FBN3: variants seen among roughly 807,000 people sequenced by gnomAD.
FBN3 encodes the protein fibrillin 3, also known as fibrillin-3.
FBN3 carries 234 observed loss-of-function variants against 330.1 expected under a neutral mutation model. The observed-to-expected ratio is 0.71, with a 90% CI of 0.64 to 0.79. FBN3 has a LOEUF of 0.79. FBN3 is among the 30% of genes least tolerant of loss of function. The probability of loss-of-function intolerance (pLI) is 0.00; values close to 1 mark genes in which losing one functional copy is unlikely to be tolerated. For missense variants in FBN3, 3,606 were observed against 3,886.9 expected (o/e 0.93, Z 1.92); for synonymous variants, 1,458 against 1,517.3 (o/e 0.96, Z 0.91).
intron 30 of FBN3, among the ~76,000 whole-genome samples, 173 bp downstream of exon 30, chr19:8,115,342 C>A (rs2082681738): frequency 6.6e-6 from 1 of 152,274 alleles, no homozygotes; most frequent in East Asian, 1.9e-4. Flanking sequence ...TCAGGGGACC[C>A]CCCGGGGCAC....
chr19:8,076,614 G>A (rs538912833), intron 59 of FBN3, among the ~76,000 whole-genome samples: 1 of 152,256 alleles, frequency 6.6e-6, no homozygotes, highest in East Asian at 1.9e-4. Flanking sequence ...ACTCCAGTCT[G>A]GGTGACTGAC....
In FBN3 at chr19:8,142,805, C is replaced by G. The variant is rs536123498; in HGVS notation, c.542-668G>C. 2.5e-4 allele frequency among the ~76,000 whole-genome samples: 38 copies of G among 151,178 alleles called. 1 individual carries two copies. The highest frequency in any genetic ancestry group is 9.2e-4 in the African/African-American group (38 of 41,136). The stretch of plus-strand genomic sequence containing the variant: ...GGAGGGGCTTCACAGAGACCCCCAC[C>G]CCCCAGCTGTCCTGATGCCCCAAGC... On this transcript the variant is annotated intron_variant, in intron 6 of 63. Transcript: ENST00000600128.
rs765678593 is a variant in FBN3 at position 8,096,901 on chromosome 19, G to A, written c.5393C>T (p.Ser1798Leu). The change falls in exon 43 of 64, where the codon TCG (serine) becomes TTG (leucine). Residue 1798 changes from serine to leucine, a missense_variant. By Grantham distance (145) the Ser-to-Leu change is moderately radical. Coordinates refer to ENST00000600128, the MANE Select transcript of FBN3 (RefSeq NM_032447.5). This position sits in a 1 kb window ranked among gnomAD's most constrained non-coding sequence, Gnocchi z 4.6. The stretch of plus-strand genomic sequence containing the variant: ...CTCACCCACACAAGCCCCGCCTGGC[G>A]ACAGTTTGTACCCTCGGGTGCACTT... ...RCKCTRGYKL[S>L]PGGACVGRNE... 9.3e-6 allele frequency: 15 copies of A among 1,613,416 alleles called. No individual in the cohort carries two copies. Among genetic ancestry groups the A allele is most frequent in the South Asian group, 6.6e-5 (6 of 91,090 alleles).
intron 55 of FBN3, 88 bp downstream of exon 55, chr19:8,086,112 G>A: frequency 1.0e-6 from 1 of 969,566 alleles, no homozygotes; most frequent in Non-Finnish European, 1.4e-6. Flanking sequence ...GGGGCAGGCA[G>A]TGGGGGGAAC....
At position 8,088,076 on chromosome 19, in the gene FBN3, G is replaced by C. The variant is rs770862576; in HGVS notation, c.6480C>G (p.Leu2160=). ...GAGTTGTACCCTCGCAGGTCATCAT[G>C]AGGCCAGGCTCAAAGCCGTCAGCAC... ...CACADGFEPG[L]MMTCEDIDEC... The change falls in exon 52 of 64, where the codon CTC becomes CTG. Residue 2160 remains leucine (L), a synonymous_variant. Transcript: ENST00000600128. 4 of 1,613,990 alleles carry C rather than the reference G, an allele frequency of 2.5e-6. No homozygotes were observed. The African/African-American group carries it at 5.3e-5, about 22-fold the overall frequency.
Position 8,097,610 on chromosome 19 carries a change from A to T in FBN3, c.5162-196T>A, listed in dbSNP as rs539799561. Among the ~76,000 whole-genome samples, 11 of 152,348 alleles carry T rather than the reference A, an allele frequency of 7.2e-5. No homozygotes were observed. In the East Asian group the frequency reaches 2.1e-3, roughly 29 times the overall value. ...GAGGTGAGGAGTGGGAGGAAAGACA[A>T]GAGCAGAGAGACTGTGTGTGTTTTT... On this transcript the variant is annotated intron_variant, in intron 41 of 63. Coordinates refer to ENST00000600128, the MANE Select transcript of FBN3 (RefSeq NM_032447.5).
intron 48 of FBN3, 87 bp downstream of exon 48, chr19:8,091,378 C>G (rs1306781790): frequency 2.0e-6 from 3 of 1,535,466 alleles, no homozygotes; most frequent in Non-Finnish European, 2.7e-6. Flanking sequence ...AAGGGTCACA[C>G]AAGAAACCAC....
At chr19:8,091,731 A>AC in intron 47 of FBN3, 141 bp from the exon 48 acceptor site, 4 of 866,358 alleles carry the variant, frequency 4.6e-6, no homozygotes, top group Non-Finnish European at 5.3e-6. Flanking sequence ...AGAGCTCAGT[A>AC]TGAGCTTCAG....
At chr19:8,123,262 G>A (rs111394261) in intron 24 of FBN3, among the ~76,000 whole-genome samples, 192 of 152,202 alleles carry the variant, frequency 1.3e-3, no homozygotes, top group African/African-American at 4.3e-3. Context: ...GCTGAGGCAG[G>A]AGAGTCGCTT....
chr19:8,116,134 C>T (rs956482206), intron 29 of FBN3, among the ~76,000 whole-genome samples: 1 of 152,110 alleles, frequency 6.6e-6, no homozygotes, highest in African/African-American at 2.4e-5. Context: ...GGTTTCTTGG[C>T]CGGGAGTTAC....
intron 22 of FBN3, among the ~76,000 whole-genome samples, chr19:8,124,560 CG>C (rs1047752334): frequency 1.5e-5 from 2 of 130,974 alleles, no homozygotes; most frequent in African/African-American, 5.9e-5. Context: ...TTTTTTTAGA[CG>C]GAGTCTTGCT....
At chr19:8,134,686 C>CT (rs762201203) in intron 13 of FBN3, among the ~76,000 whole-genome samples, 31 of 152,066 alleles carry the variant, frequency 2.0e-4, no homozygotes, top group Non-Finnish European at 3.5e-4. Flanking sequence ...GTAATCTCAG[C>CT]ACTTTGGGAG....
In FBN3 at chr19:8,072,767, T is replaced by C. The variant is rs544574175; in HGVS notation, c.7937+296A>G. Among the ~76,000 whole-genome samples the C allele has an allele frequency of 4.0e-5, 6 of 151,764 alleles. No homozygotes were observed. In the South Asian group the frequency reaches 1.3e-3, roughly 32 times the overall value. ...ACGTGTGCATGCTGGGATCTGTAAATGCACAAGGGTGCCCACGCATGCTGG... is the reference window on the plus strand; with the variant it reads ...ACGTGTGCATGCTGGGATCTGTAAACGCACAAGGGTGCCCACGCATGCTGG... On this transcript the variant is annotated intron_variant, in intron 62 of 63. Transcript: ENST00000600128.
At chr19:8,118,561 C>T (rs1227052984) in intron 26 of FBN3, among the ~76,000 whole-genome samples, 1 of 150,426 alleles carries the variant, frequency 6.6e-6, no homozygotes, top group African/African-American at 2.5e-5. Flanking sequence ...TGTGTGTTCA[C>T]ACAGACGCAC....
At chr19:8,147,029 C>T (rs2083561811) in intron 3 of FBN3, 75 bp downstream of exon 3, 3 of 1,354,936 alleles carry the variant, frequency 2.2e-6, no homozygotes, top group Non-Finnish European at 3.1e-6. Context: ...CCCGTGTAAA[C>T]AGAGCTGAAC....
chr19:8,074,703 A>C, intron 61 of FBN3: 1 of 191,876 alleles, frequency 5.2e-6, no homozygotes. Flanking sequence ...CATAGCATGC[A>C]CACCTCCATT....
In FBN3 at chr19:8,086,362, C is replaced by T. The variant is rs552817172; in HGVS notation, c.6755-37G>A. 8.4e-5 allele frequency: 130 copies of T among 1,551,784 alleles called. 1 individual carries two copies. Among genetic ancestry groups the T allele is most frequent in the South Asian group, 4.7e-4 (39 of 83,492 alleles). On this transcript the variant is annotated intron_variant, in intron 54 of 63. Coordinates refer to ENST00000600128, the MANE Select transcript of FBN3 (RefSeq NM_032447.5). ...GGGGTGAGGCAGGTGGGCGGGGAGG[C>T]CACAGGCAGCCAGCCTCTCCCACAG...
intron 59 of FBN3, among the ~76,000 whole-genome samples, chr19:8,078,519 G>A (rs1479579094): frequency 1.3e-5 from 2 of 151,892 alleles, no homozygotes; most frequent in Admixed American, 1.3e-4. Context: ...CTCCACGGAT[G>A]TTACCCATGT....
rs904935151 is a variant in FBN3 at position 8,121,566 on chromosome 19, C to T, written c.3083-180G>A. ...GGCATGATGGGGTGCCGTATGGGGTCATCGAATCTGTAGATATGACAGGCA... is the reference window on the plus strand; with the variant it reads ...GGCATGATGGGGTGCCGTATGGGGTTATCGAATCTGTAGATATGACAGGCA... On this transcript the variant is annotated intron_variant, in intron 24 of 63. Coordinates refer to ENST00000600128, the MANE Select transcript of FBN3 (RefSeq NM_032447.5). The surrounding 1 kb of genome is among the most constrained non-coding windows in gnomAD (Gnocchi z 4.5). Among the ~76,000 whole-genome samples the T allele has an allele frequency of 2.6e-5, 4 of 152,058 alleles. No individual in the cohort carries two copies. Among genetic ancestry groups the T allele is most frequent in the African/African-American group, 9.7e-5 (4 of 41,418 alleles).
Sources: allele counts gnomAD v4.1 joint callset (sites outside exome capture counted in the v4.1 genomes callset), GRCh38; gene constraint gnomAD v4.1.1; non-coding constraint Gnocchi (gnomAD v3.1); transcripts MANE v1.5; gene names NCBI Gene and HGNC (gene_info 2026-07-23, HGNC 2026-07-21).